The following ROBO2 variants were observed in gnomAD, a reference collection of about 807,000 sequenced individuals.
ROBO2 encodes roundabout guidance receptor 2.
A neutral mutation model predicts 160.8 loss-of-function variants in ROBO2; 53 were observed. That is an observed-to-expected ratio of 0.33 (90% CI 0.26 to 0.41). ROBO2 has a LOEUF of 0.41. ROBO2 is among the 10% of genes least tolerant of loss of function. ROBO2 has a pLI of 1.00. For missense variants in ROBO2, 1,577 were observed against 1,722.4 expected, an observed-to-expected ratio of 0.92 and a Z score of 1.49; for synonymous variants, 664 against 611.7, an observed-to-expected ratio of 1.09 and a Z score of -1.26.
chr3:77,135,330 G>A (rs1242955010), intron 2 of ROBO2, among the ~76,000 whole-genome samples: 2 of 152,176 alleles, frequency 1.3e-5, no homozygotes, highest in Non-Finnish European at 2.9e-5. Context: ...TTTGGAGTCT[G>A]TGGTGGGTAT....
chr3:77,341,405 C>G (rs2067043593), intron 2 of ROBO2, among the ~76,000 whole-genome samples: 1 of 152,182 alleles, frequency 6.6e-6, no homozygotes, highest in African/African-American at 2.4e-5. Context: ...CTGAAATAGT[C>G]TTTTACATAG....
intron 2 of ROBO2, among the ~76,000 whole-genome samples, chr3:76,150,791 T>A (rs2072165994): frequency 2.0e-5 from 3 of 152,202 alleles, no homozygotes; most frequent in Admixed American, 6.6e-5. Context: ...ATCTTATTTT[T>A]ATACTAACTG....
In ROBO2 at chr3:76,478,606, A is replaced by G. The variant is rs144638727; in HGVS notation, c.109+541004A>G. Among the ~76,000 whole-genome samples, 304 of 151,940 alleles carry G rather than the reference A, an allele frequency of 2.0e-3. 1 individual carries two copies. Among genetic ancestry groups the G allele is most frequent in the African/African-American group, 6.6e-3 (274 of 41,464 alleles). ...CCTTAACAATTGTATAGATCCAGATATTAGTTGATTAAATGTGCATTAAAC... is the reference window on the plus strand; with the variant it reads ...CCTTAACAATTGTATAGATCCAGATGTTAGTTGATTAAATGTGCATTAAAC... On this transcript the variant is annotated intron_variant, in intron 2 of 26. Transcript: ENST00000487694.
chr3:76,470,876 C>T (rs2107052646), intron 2 of ROBO2, among the ~76,000 whole-genome samples: 1 of 152,192 alleles, frequency 6.6e-6, no homozygotes, highest in East Asian at 1.9e-4. Context: ...CCTTTGACCC[C>T]TATTCCAACC....
At chr3:77,040,939 A>C in intron 1 of ROBO2, 93 bp downstream of exon 1, 1 of 1,521,146 alleles carries the variant, frequency 6.6e-7, no homozygotes, top group Non-Finnish European at 9.1e-7. Flanking sequence ...GTTATAAATG[A>C]AATGACATTA....
At chr3:75,933,537 G>A (rs1947634271) in intron 1 of ROBO2, among the ~76,000 whole-genome samples, 1 of 151,150 alleles carries the variant, frequency 6.6e-6, no homozygotes, top group East Asian at 1.9e-4. Context: ...TTTTAAAGAA[G>A]CTGCTAGAAA....
intron 2 of ROBO2, among the ~76,000 whole-genome samples, chr3:77,208,151 G>T (rs1393501583): frequency 6.6e-6 from 1 of 152,106 alleles, no homozygotes; most frequent in Non-Finnish European, 1.5e-5. Flanking sequence ...TGAGCAGATT[G>T]ATCAGGAAAT....
intron 4 of ROBO2, among the ~76,000 whole-genome samples, chr3:77,489,908 G>A (rs1007369427): frequency 6.6e-6 from 1 of 151,966 alleles, no homozygotes; most frequent in South Asian, 2.1e-4. Flanking sequence ...TTATCCTATG[G>A]ACTTCTTAGT....
At chr3:76,245,556 G>C (rs1705567504) in intron 2 of ROBO2, among the ~76,000 whole-genome samples, 1 of 151,778 alleles carries the variant, frequency 6.6e-6, no homozygotes, top group South Asian at 2.1e-4. Flanking sequence ...AAATGATTTT[G>C]GTTTATCTTT....
intron 2 of ROBO2, among the ~76,000 whole-genome samples, chr3:76,797,094 T>A (rs1364081053): frequency 6.6e-6 from 1 of 152,148 alleles, no homozygotes; most frequent in Non-Finnish European, 1.5e-5. Flanking sequence ...ATAAATCAAA[T>A]GGACCTAACA....
rs17014154 is a variant in ROBO2 at position 76,422,840 on chromosome 3, C to T, written c.109+485238C>T. On this transcript the variant is annotated intron_variant, in intron 2 of 26. Transcript: ENST00000487694. ...TCCACTCATCCATAAAATCTTATTT[C>T]GAAGGAGAAATGGGTGATAAATTAA... Among the ~76,000 whole-genome samples, 1,036 of 151,922 alleles carry T rather than the reference C, an allele frequency of 6.8e-3. 10 individuals carry two copies. Among genetic ancestry groups the T allele is most frequent in the African/African-American group, 0.023 (962 of 41,402 alleles).
At chr3:77,493,071 A>C (rs562023416) in intron 4 of ROBO2, among the ~76,000 whole-genome samples, 173 bp from the exon 5 acceptor site, 1 of 152,256 alleles carries the variant, frequency 6.6e-6, no homozygotes, top group African/African-American at 2.4e-5. Context: ...AAAATATCTT[A>C]TTTTATTGAA....
At position 76,380,720 on chromosome 3, in the gene ROBO2, A is replaced by ATG. The variant is rs1464355014; in HGVS notation, c.109+443119_109+443120insGT. 2.0e-5 allele frequency among the ~76,000 whole-genome samples: 3 copies of ATG among 152,100 alleles called. No homozygotes were observed. The East Asian group carries it at 5.8e-4, about 29-fold the overall frequency. ...TTGAGTTTTGGGAAAGTCAAACGTTATATGTGGATTTTCTACTACACAGGA... is the reference window on the plus strand; with the variant it reads ...TTGAGTTTTGGGAAAGTCAAACGTTATGTATGTGGATTTTCTACTACACAGGA... On this transcript the variant is annotated intron_variant, in intron 2 of 26. Coordinates refer to the ROBO2 transcript ENST00000487694.
At chr3:76,829,327 A>G (rs1295639894) in intron 2 of ROBO2, among the ~76,000 whole-genome samples, 1 of 152,156 alleles carries the variant, frequency 6.6e-6, no homozygotes, top group Non-Finnish European at 1.5e-5. Flanking sequence ...TTGATCTCCT[A>G]GTAGCATTGG....
rs772671098 is a variant in ROBO2 at position 76,399,601 on chromosome 3, A to G, written c.109+461999A>G. Among the ~76,000 whole-genome samples the G allele has an allele frequency of 6.1e-4, 93 of 151,748 alleles. 1 individual carries two copies. The highest frequency in any genetic ancestry group is 2.4e-4 in the Non-Finnish European group (16 of 67,798). Reference sequence around the variant, plus strand: ...CAACTTTTAAAATGAGATCAGTAAAATAGTTCAGAGTGGAAAAGAGATGCA... The same window carrying G: ...CAACTTTTAAAATGAGATCAGTAAAGTAGTTCAGAGTGGAAAAGAGATGCA... On this transcript the variant is annotated intron_variant, in intron 2 of 26. Transcript: ENST00000487694.
Position 77,629,320 on chromosome 3 carries a change from T to G in ROBO2, c.3761-5550T>G, listed in dbSNP as rs972039549. 2.0e-5 allele frequency: 3 copies of G among 152,164 alleles called. No homozygotes were observed. In the South Asian group the frequency reaches 6.2e-4, roughly 32 times the overall value. The allele number at this position is 152,164 out of a possible 1,614,324, so 9.4% of individuals were successfully genotyped here. On this transcript the variant is annotated intron_variant, in intron 23 of 25. Coordinates refer to ENST00000461745, the Ensembl canonical transcript of ROBO2. ...GTGTAGGATTTACTGGTTTCACCTG[T>G]CAATAGCTACACCACAGTCAGTTTT...
chr3:76,181,403 G>A (rs1701497209), intron 2 of ROBO2, among the ~76,000 whole-genome samples: 1 of 152,066 alleles, frequency 6.6e-6, no homozygotes, highest in South Asian at 2.1e-4. Context: ...ATTCAAATGA[G>A]TCGATTCAGC....
chr3:76,833,996 T>C (rs1424016968), intron 2 of ROBO2, among the ~76,000 whole-genome samples: 5 of 134,412 alleles, frequency 3.7e-5, no homozygotes, highest in Non-Finnish European at 8.1e-5. Context: ...TTTCTTTCTT[T>C]CCTTCTTTCT....
intron 2 of ROBO2, among the ~76,000 whole-genome samples, chr3:76,622,191 A>AAAGGAAGGAAGGAAGGAAGGAAGG (rs1163132103): frequency 1.1e-4 from 7 of 65,892 alleles, no homozygotes; most frequent in African/African-American, 3.1e-4. Flanking sequence ...TAAAAAAAAG[A>AAAGGAAGGAAGGAAGGAAGGAAGG]AAGGAAGGAA....
Sources: allele counts gnomAD v4.1 joint callset (sites outside exome capture counted in the v4.1 genomes callset), GRCh38; gene constraint gnomAD v4.1.1; transcripts MANE v1.5; gene names NCBI Gene and HGNC (gene_info 2026-07-23, HGNC 2026-07-21).